Variants in SLX9 observed in about 807,000 individuals in gnomAD.
SLX9 encodes the protein SLX9 ribosome biogenesis factor.
A neutral mutation model predicts 20.8 loss-of-function variants in SLX9; 19 were observed. The observed-to-expected ratio is 0.91, with a 90% CI of 0.64 to 1.34. The LOEUF (loss-of-function observed/expected upper bound fraction) is 1.34. Ranked by LOEUF, SLX9 falls within the 40% of genes most tolerant of loss-of-function variation. The pLI is 0.00. For synonymous variants in SLX9, 113 were observed against 137.1 expected, an observed-to-expected ratio of 0.82 and a Z score of 1.23; for missense variants, 299 against 322.2, an observed-to-expected ratio of 0.93 and a Z score of 0.55.
At chr21:44,944,476 C>T in intron 2 of SLX9, among the ~76,000 whole-genome samples, 1 of 146,836 alleles carries the variant, frequency 6.8e-6, no homozygotes, top group African/African-American at 2.7e-5. Context: ...TAGAGAGTTC[C>T]CGGCCACCAT....
At chr21:44,974,277 T>C (rs2085221036) in intron 5 of SLX9, among the ~76,000 whole-genome samples, 1 of 152,230 alleles carries the variant, frequency 6.6e-6, no homozygotes, top group Admixed American at 6.5e-5. Context: ...ATTGTGCCTT[T>C]CCAGTTGAGA....
At chr21:44,973,815 C>T (rs889995587) in intron 5 of SLX9, among the ~76,000 whole-genome samples, 4 of 152,192 alleles carry the variant, frequency 2.6e-5, no homozygotes, top group African/African-American at 9.7e-5. Flanking sequence ...CTGGCTCCTG[C>T]CTGTCTGCTC....
intron 2 of SLX9, among the ~76,000 whole-genome samples, chr21:44,948,165 A>G (rs1156985262): frequency 6.6e-6 from 1 of 152,142 alleles, no homozygotes; most frequent in East Asian, 1.9e-4. Flanking sequence ...GTCATGCAGC[A>G]TCGGGCGATC....
chr21:44,944,505 T>C (rs2084608567), intron 2 of SLX9, among the ~76,000 whole-genome samples: 2 of 152,226 alleles, frequency 1.3e-5, no homozygotes, highest in African/African-American at 4.8e-5. Flanking sequence ...CTGGGAGTGT[T>C]GACTTTCTGG....
At chr21:44,967,755 C>T (rs953446805) in intron 4 of SLX9, among the ~76,000 whole-genome samples, 2 of 152,180 alleles carry the variant, frequency 1.3e-5, no homozygotes, top group Admixed American at 1.3e-4. Flanking sequence ...GGGACCCACT[C>T]ATGCAGGGCC....
intron 2 of SLX9, among the ~76,000 whole-genome samples, chr21:44,946,779 C>G (rs1399351044): frequency 6.6e-6 from 1 of 152,218 alleles, no homozygotes; most frequent in Non-Finnish European, 1.5e-5. Flanking sequence ...TTCCACCGCC[C>G]TGCTGTGGGT....
intron 2 of SLX9, chr21:44,958,557 CCCCTCCGT>C (rs2084899862): frequency 6.6e-6 from 1 of 152,368 alleles, no homozygotes; most frequent in Non-Finnish European, 1.5e-5. Context: ...CAGGGCGAGC[CCCCTCCGT>C]AGCCCGCGGC....
chr21:44,952,330 C>T (rs938393760), intron 2 of SLX9, among the ~76,000 whole-genome samples: 2 of 152,272 alleles, frequency 1.3e-5, no homozygotes, highest in East Asian at 3.8e-4. Context: ...CAATCGGCAG[C>T]TTCCCTGGCC....
At chr21:44,960,521 G>C (rs1435820483) in intron 3 of SLX9, among the ~76,000 whole-genome samples, 2 of 152,236 alleles carry the variant, frequency 1.3e-5, no homozygotes, top group Admixed American at 6.5e-5. Context: ...ACCTATTTTT[G>C]TTCCCCACCG....
intron 4 of SLX9, among the ~76,000 whole-genome samples, chr21:44,969,659 G>A (rs997858936): frequency 1.3e-5 from 2 of 152,308 alleles, no homozygotes; most frequent in African/African-American, 2.4e-5. Flanking sequence ...CAGCTCCCCC[G>A]TCCCCGCATG....
At chr21:44,957,000 C>T (rs1411034634) in intron 2 of SLX9, among the ~76,000 whole-genome samples, 1 of 152,268 alleles carries the variant, frequency 6.6e-6, no homozygotes. Context: ...CCTGGAATTG[C>T]AGCTCCAGAG....
chr21:44,942,646 G>A (rs1050713437), intron 1 of SLX9, among the ~76,000 whole-genome samples: 13 of 152,220 alleles, frequency 8.5e-5, no homozygotes, highest in Admixed American at 2.0e-4. Flanking sequence ...GGAGAAAAGC[G>A]TACCCATTCA....
intron 1 of SLX9, 74 bp from the exon 2 acceptor site, chr21:44,943,610 C>G: frequency 6.3e-7 from 1 of 1,579,892 alleles, no homozygotes; most frequent in Non-Finnish European, 8.6e-7. Context: ...TTCTCCTCAC[C>G]TTTAACGTCC....
chr21:44,971,897 A>G (rs2085157356), intron 4 of SLX9, among the ~76,000 whole-genome samples: 1 of 152,114 alleles, frequency 6.6e-6, no homozygotes, highest in African/African-American at 2.4e-5. Context: ...CCCTGCAATG[A>G]ATGGAGCTGT....
chr21:44,943,199 G>C (rs1290834471), intron 1 of SLX9, among the ~76,000 whole-genome samples: 1 of 152,168 alleles, frequency 6.6e-6, no homozygotes, highest in African/African-American at 2.4e-5. Context: ...TTCATGCAGG[G>C]ATGAGTGTGG....
Position 44,942,931 on chromosome 21 carries a change from A to G in SLX9, c.130-753A>G, listed in dbSNP as rs186331333. ...TATGGGGGTTTTATCTCCTTTCAGGAAAAACAGGGAGGGGGTTAATATGCC... is the reference window on the plus strand; with the variant it reads ...TATGGGGGTTTTATCTCCTTTCAGGGAAAACAGGGAGGGGGTTAATATGCC... On this transcript the variant is annotated intron_variant, in intron 1 of 5. Transcript: ENST00000291634. Among the ~76,000 whole-genome samples, 469 of 152,272 alleles carry G rather than the reference A, an allele frequency of 3.1e-3. 7 individuals carry two copies. The highest frequency in any genetic ancestry group is 0.01 in the African/African-American group (428 of 41,546).
intron 1 of SLX9, 69 bp from the exon 2 acceptor site, chr21:44,943,615 A>G (rs1293156260): frequency 1.5e-5 from 23 of 1,585,380 alleles, no homozygotes; most frequent in Non-Finnish European, 2.0e-5. Context: ...CTCACCTTTA[A>G]CGTCCCTCTG....
chr21:44,959,026 G>A (rs76410874), intron 2 of SLX9, among the ~76,000 whole-genome samples: 6,810 of 152,300 alleles, frequency 0.045, 259 homozygotes, highest in Admixed American at 0.12. Flanking sequence ...CTTTGTGGTC[G>A]GGAGGGAGAG....
intron 4 of SLX9, chr21:44,969,082 TTCTC>T: frequency 2.3e-6 from 1 of 440,580 alleles, no homozygotes; most frequent in South Asian, 1.6e-5. Flanking sequence ...ATAATTTTCT[TTCTC>T]CTACTAACTT....
Sources: allele counts gnomAD v4.1 joint callset (sites outside exome capture counted in the v4.1 genomes callset), GRCh38; gene constraint gnomAD v4.1.1; transcripts MANE v1.5; gene names NCBI Gene and HGNC (gene_info 2026-07-23, HGNC 2026-07-21).